Variants in FRMPD2 observed in about 807,000 individuals in gnomAD.
FRMPD2 encodes FERM and PDZ domain-containing protein 2.
Under a neutral mutation model 140.1 loss-of-function variants are expected in FRMPD2, and 96 were observed. The observed-to-expected ratio is 0.69, with a 90% confidence interval of 0.58 to 0.81. FRMPD2 has a LOEUF of 0.81. Ranked by LOEUF, FRMPD2 falls within the 40% of genes least tolerant of loss-of-function variation. The probability of loss-of-function intolerance (pLI) is 0.00; values close to 1 mark genes in which losing one functional copy is unlikely to be tolerated. For synonymous variants in FRMPD2, 449 were observed against 547.6 expected (o/e 0.82, Z 2.52); for missense variants, 1,240 against 1,447.4 (o/e 0.86, Z 2.32).
At chr10:48,163,907 TA>T (rs1177755500) in intron 27 of FRMPD2, among the ~76,000 whole-genome samples, 1 of 151,226 alleles carries the variant, frequency 6.6e-6, no homozygotes, top group Non-Finnish European at 1.5e-5. Context: ...TATTTTTAAA[TA>T]AAAAATATTT....
At chr10:48,254,971 G>A (rs1840460306) in intron 1 of FRMPD2, among the ~76,000 whole-genome samples, 1 of 152,206 alleles carries the variant, frequency 6.6e-6, no homozygotes, top group Admixed American at 6.5e-5. Context: ...GGTCTGGTGG[G>A]CTGTATCATG....
intron 1 of FRMPD2, among the ~76,000 whole-genome samples, chr10:48,254,429 A>T (rs1186175822): frequency 6.6e-6 from 1 of 151,704 alleles, no homozygotes; most frequent in Non-Finnish European, 1.5e-5. Flanking sequence ...TCCACTTCCC[A>T]CCTCCCTGTC....
At chr10:48,247,080 C>T (rs1840267439) in intron 3 of FRMPD2, among the ~76,000 whole-genome samples, 1 of 152,218 alleles carries the variant, frequency 6.6e-6, no homozygotes, top group African/African-American at 2.4e-5. Context: ...CTGGCCAGGA[C>T]TCAGCAATAC....
intron 1 of FRMPD2, among the ~76,000 whole-genome samples, chr10:48,255,613 G>A (rs1006918297): frequency 3.3e-5 from 5 of 152,234 alleles, no homozygotes; most frequent in African/African-American, 9.6e-5. Flanking sequence ...GACAGCCAAC[G>A]AGAAGGTAAG....
intron 3 of FRMPD2, among the ~76,000 whole-genome samples, chr10:48,245,967 A>G (rs556419192): frequency 6.6e-6 from 1 of 152,354 alleles, no homozygotes; most frequent in Non-Finnish European, 1.5e-5. Context: ...TCTCAAGGTC[A>G]AGATGTGTTC....
rs199665624 is a variant in FRMPD2, at chr10:48,175,935, C to T, written c.2900G>A (p.Gly967Asp). Residue 967 changes from glycine (G) to aspartate (D), a missense_variant, in exon 23 of 29, where the codon GGC becomes GAC. Coordinates refer to ENST00000374201, the MANE Select transcript of FRMPD2 (RefSeq NM_001018071.4). ...ACCATATGGCACACTGGTGTTAATG[C>T]CACCCTGAAAAACACAACAAAAAAC... ...DGTLGFSVTG[G>D]INTSVPYGGI... 6,347 of 1,598,528 alleles carry T rather than the reference C, an allele frequency of 4.0e-3. 4 individuals are homozygous for T. Among genetic ancestry groups the T allele is most frequent in the Middle Eastern group, 5.2e-3 (23 of 4,410 alleles).
chr10:48,267,053 G>C (rs930912825), intron 1 of FRMPD2, among the ~76,000 whole-genome samples: 5 of 152,170 alleles, frequency 3.3e-5, no homozygotes, highest in African/African-American at 1.2e-4. Flanking sequence ...TAATGAAGCA[G>C]AGCCCTTCTG....
chr10:48,210,318 A>T (rs568019493), intron 13 of FRMPD2, among the ~76,000 whole-genome samples: 26 of 152,332 alleles, frequency 1.7e-4, no homozygotes, highest in African/African-American at 6.3e-4. Context: ...TAAAGATTAC[A>T]TGTAAATGGA....
chr10:48,250,944 G>A (rs1840364339), intron 2 of FRMPD2, among the ~76,000 whole-genome samples: 1 of 150,284 alleles, frequency 6.7e-6, no homozygotes, highest in Non-Finnish European at 1.5e-5. Flanking sequence ...TTACAGGCGA[G>A]CGCAACCATA....
chr10:48,259,934 G>T (rs943447886), intron 1 of FRMPD2, among the ~76,000 whole-genome samples: 1 of 152,068 alleles, frequency 6.6e-6, no homozygotes, highest in Non-Finnish European at 1.5e-5. Context: ...TGAAGTCTCA[G>T]ATACCTACTG....
At chr10:48,214,311 A>G (rs1195532562) in intron 12 of FRMPD2, among the ~76,000 whole-genome samples, 2 of 152,350 alleles carry the variant, frequency 1.3e-5, no homozygotes, top group East Asian at 3.9e-4. Flanking sequence ...ATTCATCTCC[A>G]TATTCTATTT....
intron 2 of FRMPD2, among the ~76,000 whole-genome samples, chr10:48,250,162 G>A (rs1316779255): frequency 5.3e-5 from 8 of 152,084 alleles, no homozygotes; most frequent in East Asian, 1.9e-4. Flanking sequence ...CTAAAGGGTC[G>A]CCCCAACCCC....
At chr10:48,199,759 G>C (rs1412331068) in intron 15 of FRMPD2, 2 of 152,154 alleles carry the variant, frequency 1.3e-5, no homozygotes, top group Non-Finnish European at 2.9e-5. Flanking sequence ...ATGGTGTATC[G>C]TTACACTACT....
chr10:48,216,171 T>C (rs370906763), intron 12 of FRMPD2, among the ~76,000 whole-genome samples: 4 of 152,196 alleles, frequency 2.6e-5, no homozygotes, highest in African/African-American at 7.2e-5. Context: ...CTTCTCAGCC[T>C]ACATAACCAC....
chr10:48,273,016 G>A (rs1260649664), intron 1 of FRMPD2, among the ~76,000 whole-genome samples: 1 of 152,002 alleles, frequency 6.6e-6, no homozygotes, highest in Non-Finnish European at 1.5e-5. Context: ...AGAATCAAAT[G>A]GCTATATAGA....
intron 22 of FRMPD2, chr10:48,177,557 C>T (rs1838441624): frequency 1.2e-5 from 2 of 162,092 alleles, no homozygotes; most frequent in Admixed American, 1.1e-4. Context: ...AAGGGTCTAC[C>T]AGGCAGAGCT....
intron 10 of FRMPD2, among the ~76,000 whole-genome samples, chr10:48,228,710 C>G (rs1317816582): frequency 6.6e-6 from 1 of 151,952 alleles, no homozygotes; most frequent in Non-Finnish European, 1.5e-5. Context: ...AAATGTAATT[C>G]TGTACACAAA....
At chr10:48,226,142 G>A (rs1839716190) in intron 10 of FRMPD2, among the ~76,000 whole-genome samples, 1 of 152,204 alleles carries the variant, frequency 6.6e-6, no homozygotes, top group Non-Finnish European at 1.5e-5. Flanking sequence ...AACTGCCCAA[G>A]CTTGTTTTTT....
In FRMPD2 at chr10:48,236,489, G is replaced by A. The variant is rs777045711; in HGVS notation, c.986C>T (p.Ser329Leu). Residue 329 changes from serine (S) to leucine (L), a missense_variant, in exon 9 of 29, where the codon TCG becomes TTG. Ser to Leu is a moderately radical substitution (Grantham distance 145). This residue lies in a region of FRMPD2 where 1,161 missense variants were observed against 1,055.9 expected (regional missense o/e 1.10). Coordinates refer to ENST00000374201, the MANE Select transcript of FRMPD2 (RefSeq NM_001018071.4). ...GTCTAGCCCAGTAGTTACCACAACC[G>A]ATCCCGGCAGATGTAGTGTCATCGG... ...EAPMTLHLPG[S>L]VVTKKGKSYL... 1.3e-5 allele frequency: 21 copies of A among 1,613,962 alleles called. No homozygotes were observed. In the East Asian group the frequency reaches 2.7e-4, roughly 21 times the overall value.
Sources: gnomAD v4.1 joint callset for allele counts (sites outside exome capture counted in the v4.1 genomes callset) on GRCh38, gnomAD v4.1.1 for gene constraint, gnomAD v4.1.1 regional missense constraint, MANE v1.5 for transcripts, NCBI Gene and HGNC (gene_info 2026-07-23, HGNC 2026-07-21) for gene names.